Variants in PRKN observed in about 807,000 individuals in gnomAD.
The protein encoded by PRKN is E3 ubiquitin-protein ligase parkin.
Under a neutral mutation model 59.5 loss-of-function variants are expected in PRKN, and 56 were observed. The ratio of observed to expected loss-of-function variants is 0.94; its 90% CI spans 0.76 to 1.18. The LOEUF (loss-of-function observed/expected upper bound fraction) is 1.18, where lower values mean the gene tolerates loss of function less well. Ranked by LOEUF, PRKN falls within the 50% of genes most tolerant of loss-of-function variation. The pLI is 0.00. For synonymous variants in PRKN, 250 were observed against 222.1 expected, an observed-to-expected ratio of 1.13 and a Z score of -1.12; for missense variants, 657 against 596.4, an observed-to-expected ratio of 1.10 and a Z score of -1.06.
intron 1 of PRKN, among the ~76,000 whole-genome samples, chr6:162,649,119 C>T (rs74551175): frequency 3.3e-5 from 5 of 152,268 alleles, no homozygotes; most frequent in African/African-American, 1.2e-4. Flanking sequence ...ATAAACATTT[C>T]TTTCTCTGGA....
At chr6:162,225,382 T>C (rs1778125017) in intron 3 of PRKN, among the ~76,000 whole-genome samples, 3 of 152,212 alleles carry the variant, frequency 2.0e-5, no homozygotes, top group Non-Finnish European at 4.4e-5. Context: ...AGAAACCATA[T>C]TCAAACCATA....
At chr6:162,429,334 C>T (rs1257542688) in intron 2 of PRKN, among the ~76,000 whole-genome samples, 3 of 152,126 alleles carry the variant, frequency 2.0e-5, no homozygotes, top group Non-Finnish European at 4.4e-5. Context: ...GCAGGCTCCA[C>T]AAGAAAAGGG....
At position 161,484,030 on chromosome 6, in the gene PRKN, T is replaced by G. The variant is rs1791537048; in HGVS notation, c.1083+64824A>C. On this transcript the variant is annotated intron_variant, in intron 9 of 11. Coordinates refer to ENST00000366898, the MANE Select transcript of PRKN (RefSeq NM_004562.3). This position sits in a 1 kb window ranked among gnomAD's most constrained non-coding sequence, Gnocchi z 4.9. ...CACACACTGGGGCCTGCTGGGGGGT[T>G]GTGGGGAGGGAGAGCATCAGGAAGA... Among the ~76,000 whole-genome samples, 1 of 151,774 alleles carries G rather than the reference T, an allele frequency of 6.6e-6. No individual in the cohort carries two copies. Among genetic ancestry groups the G allele is most frequent in the Admixed American group, 6.6e-5 (1 of 15,230 alleles).
At chr6:162,580,994 C>A (rs1368544502) in intron 1 of PRKN, among the ~76,000 whole-genome samples, 1 of 152,182 alleles carries the variant, frequency 6.6e-6, no homozygotes, top group South Asian at 2.1e-4. Context: ...ATATCCCAGG[C>A]TCCTCGGGTA....
intron 9 of PRKN, among the ~76,000 whole-genome samples, chr6:161,537,582 G>A (rs1046216094): frequency 6.6e-6 from 1 of 151,926 alleles, no homozygotes; most frequent in Non-Finnish European, 1.5e-5. Flanking sequence ...CTCCGGAGTA[G>A]CTGGGACTAC....
At chr6:161,811,205 C>A (rs950134143) in intron 6 of PRKN, among the ~76,000 whole-genome samples, 2 of 152,062 alleles carry the variant, frequency 1.3e-5, no homozygotes, top group Non-Finnish European at 2.9e-5. Context: ...TATAATGCAG[C>A]ACACAAGCCA....
intron 9 of PRKN, among the ~76,000 whole-genome samples, chr6:161,501,961 A>G (rs1777980576): frequency 6.6e-6 from 1 of 152,134 alleles, no homozygotes; most frequent in Admixed American, 6.5e-5. Flanking sequence ...ATATAACACT[A>G]CGTTTCTAAG....
At chr6:161,871,502 C>A (rs1268845377) in intron 6 of PRKN, among the ~76,000 whole-genome samples, 1 of 152,132 alleles carries the variant, frequency 6.6e-6, no homozygotes, top group African/African-American at 2.4e-5. Context: ...ATGTTGCACT[C>A]TACTTTAAAA....
intron 1 of PRKN, among the ~76,000 whole-genome samples, chr6:162,483,206 G>C (rs1200149970): frequency 1.3e-5 from 2 of 152,096 alleles, no homozygotes; most frequent in Non-Finnish European, 2.9e-5. Flanking sequence ...ATTCGAGTCT[G>C]GGTCCTCTCT....
rs1482042846 is a variant in PRKN at position 162,311,474 on chromosome 6, T to C, written c.172-48709A>G. ...CTCAACTTGTTTAAGTAATAATAAT[T>C]TTTTTCCTTTTTTTTTTTTTTTTTT... is the stretch of plus-strand genomic sequence containing the variant. On this transcript the variant is annotated intron_variant, in intron 2 of 11. Transcript: ENST00000366898. 4.7e-5 allele frequency among the ~76,000 whole-genome samples: 7 copies of C among 149,546 alleles called. No homozygotes were observed. The Admixed American group carries it at 4.7e-4, about 10-fold the overall frequency.
chr6:161,829,919 C>A (rs938582522), intron 6 of PRKN, among the ~76,000 whole-genome samples: 2 of 149,784 alleles, frequency 1.3e-5, no homozygotes, highest in South Asian at 4.2e-4. Flanking sequence ...AGCAAGTGAA[C>A]AAGTTTGCAG....
chr6:161,932,934 T>C (rs7774091), intron 6 of PRKN, among the ~76,000 whole-genome samples: 145,816 of 152,302 alleles, frequency 0.96, 70,091 homozygotes, highest in African/African-American at 0.99. Context: ...AAAGATGTTT[T>C]GTTTCTGTAG....
intron 6 of PRKN, among the ~76,000 whole-genome samples, chr6:161,823,923 C>A (rs1347877532): frequency 6.6e-6 from 1 of 152,188 alleles, no homozygotes; most frequent in East Asian, 1.9e-4. Context: ...TGCCCCTTTC[C>A]ACTCCAGCAC....
chr6:162,574,764 G>GTTT (rs371613068), intron 1 of PRKN, among the ~76,000 whole-genome samples: 19 of 86,324 alleles, frequency 2.2e-4, no homozygotes, highest in African/African-American at 9.5e-4. Flanking sequence ...ATGATACTAA[G>GTTT]TTGTTTTTTT....
At chr6:161,892,398 T>C (rs1269944107) in intron 6 of PRKN, among the ~76,000 whole-genome samples, 6 of 144,466 alleles carry the variant, frequency 4.2e-5, no homozygotes, top group African/African-American at 1.4e-4. Flanking sequence ...AGACTCCACC[T>C]CAACCAAAAA....
intron 7 of PRKN, among the ~76,000 whole-genome samples, chr6:161,767,525 A>G (rs992891007): frequency 2.0e-4 from 31 of 151,998 alleles, no homozygotes; most frequent in African/African-American, 7.5e-4. Flanking sequence ...TCAAAAAAAA[A>G]AAAACAAAAA....
intron 6 of PRKN, among the ~76,000 whole-genome samples, chr6:161,951,756 AAATAC>A (rs1235420154): frequency 1.3e-5 from 2 of 152,082 alleles, no homozygotes; most frequent in African/African-American, 4.8e-5. Flanking sequence ...CCTCTACTAA[AAATAC>A]AAAAAGTTAC....
chr6:162,077,860 C>G (rs138456876), intron 4 of PRKN, among the ~76,000 whole-genome samples: 1 of 151,534 alleles, frequency 6.6e-6, no homozygotes, highest in Non-Finnish European at 1.5e-5. Context: ...ATTAGTCAGT[C>G]ATGGTGACAT....
At chr6:161,813,009 A>T (rs1033217201) in intron 6 of PRKN, among the ~76,000 whole-genome samples, 2 of 152,226 alleles carry the variant, frequency 1.3e-5, no homozygotes, top group Admixed American at 1.3e-4. Context: ...CCTGAATAGG[A>T]CATGGAACCA....
Sources: gnomAD v4.1 joint callset for allele counts (sites outside exome capture counted in the v4.1 genomes callset) on GRCh38, gnomAD v4.1.1 for gene constraint, Gnocchi (gnomAD v3.1) non-coding constraint, MANE v1.5 for transcripts, NCBI Gene and HGNC (gene_info 2026-07-23, HGNC 2026-07-21) for gene names.